Variants in RTKN2 observed in about 807,000 individuals in gnomAD.
The protein encoded by RTKN2 is rhotekin-2.
A neutral mutation model predicts 71.5 loss-of-function variants in RTKN2; 69 were observed. The ratio of observed to expected loss-of-function variants is 0.96; its 90% CI spans 0.79 to 1.18. The LOEUF (loss-of-function observed/expected upper bound fraction) is 1.18, where lower values mean the gene tolerates loss of function less well. RTKN2 is among the 50% of genes most tolerant of loss of function. The probability of loss-of-function intolerance (pLI) is 0.00; values close to 1 mark genes in which losing one functional copy is unlikely to be tolerated. For missense variants in RTKN2, 724 were observed against 719.7 expected (o/e 1.01, Z -0.07); for synonymous variants, 236 against 236.5 (o/e 1.00, Z 0.02).
rs1842365678 is a variant in RTKN2 at position 62,241,154 on chromosome 10, T to C, written c.358A>G (p.Ser120Gly). 2 of 1,551,316 alleles carry C rather than the reference T, an allele frequency of 1.3e-6. No homozygotes were observed. The highest frequency in any genetic ancestry group is 1.8e-6 in the Non-Finnish European group (2 of 1,129,344). The change falls in exon 4 of 12, where the codon AGC becomes GGC. Residue 120 changes from serine to glycine, a missense_variant. Ser to Gly is a moderately conservative substitution (Grantham distance 56). Coordinates refer to ENST00000373789, the MANE Select transcript of RTKN2 (RefSeq NM_145307.4). Reference protein sequence around the residue: ...PLMWKDSDHFSNKERSRRYAI... With the variant: ...PLMWKDSDHFGNKERSRRYAI... ...AAATCATACATACGTTCTTTATTGCTGAAGTGATCAGAGTCTTTCCACATT... is the reference window on the plus strand; with the variant it reads ...AAATCATACATACGTTCTTTATTGCCGAAGTGATCAGAGTCTTTCCACATT...
At chr10:62,206,803 G>C (rs1337443114) in intron 9 of RTKN2, among the ~76,000 whole-genome samples, 1 of 151,796 alleles carries the variant, frequency 6.6e-6, no homozygotes, top group Admixed American at 6.6e-5. Flanking sequence ...TTGTGAATTA[G>C]TTCTTTTAAG....
chr10:62,187,530 G>A (rs752251059), intron 8 of RTKN2, among the ~76,000 whole-genome samples: 1 of 152,174 alleles, frequency 6.6e-6, no homozygotes, highest in Non-Finnish European at 1.5e-5. Context: ...ACAGGTGGAT[G>A]CAATTTAATG....
At position 62,246,055 on chromosome 10, in the gene RTKN2, T is replaced by A; in HGVS notation, c.260A>T (p.Asp87Val). The A allele has an allele frequency of 6.3e-7, 1 of 1,588,554 alleles. No homozygotes were observed. The highest frequency in any genetic ancestry group is 8.6e-7 in the Non-Finnish European group (1 of 1,165,462). Reference protein sequence around the residue: ...EQIANQTGRCDVKFESKERTA... With the variant: ...EQIANQTGRCVVKFESKERTA... ...TCGTTCTTTACTTTCAAATTTCACA[T>A]CACTGTCAAAACAAAAAAACTTATG... Residue 87 changes from aspartate to valine, a missense_variant and splice_region_variant, in exon 3 of 12, where the codon GAT (aspartate) becomes GTT (valine). Coordinates refer to ENST00000373789, the MANE Select transcript of RTKN2 (RefSeq NM_145307.4).
Position 62,245,997 on chromosome 10 carries a change from A to G in RTKN2, c.316+2T>C. 1 of 1,564,990 alleles carries G rather than the reference A, an allele frequency of 6.4e-7. No homozygotes were observed. Among genetic ancestry groups the G allele is most frequent in the East Asian group, 2.3e-5 (1 of 44,250 alleles). On this transcript the variant is annotated splice_donor_variant, in intron 3 of 11. Coordinates refer to ENST00000373789, the MANE Select transcript of RTKN2 (RefSeq NM_145307.4). LOFTEE classifies it high-confidence loss of function. ...AATATAAAAGATTCATTTATAGCAT[A>G]CCTGATATGGCAATCTTTCCTTTAC...
At chr10:62,253,833 GA>G (rs1842625021) in intron 2 of RTKN2, among the ~76,000 whole-genome samples, 1 of 151,472 alleles carries the variant, frequency 6.6e-6, no homozygotes, top group Non-Finnish European at 1.5e-5. Flanking sequence ...TGATACAGTG[GA>G]AAAAAAATAA....
At chr10:62,232,535 C>A (rs1380335143) in intron 6 of RTKN2, among the ~76,000 whole-genome samples, 1 of 151,872 alleles carries the variant, frequency 6.6e-6, no homozygotes, top group African/African-American at 2.4e-5. Flanking sequence ...CTCCTGGGCT[C>A]AAGCAATTTG....
chr10:62,242,579 T>G (rs964685484), intron 3 of RTKN2, among the ~76,000 whole-genome samples: 2 of 152,004 alleles, frequency 1.3e-5, no homozygotes, highest in Non-Finnish European at 2.9e-5. Flanking sequence ...CAAATAGTGT[T>G]GCAGTAAATT....
In RTKN2 at chr10:62,204,937, A is replaced by G. The variant is rs991768854; in HGVS notation, c.1106T>C (p.Ile369Thr). Residue 369 changes from isoleucine to threonine, a missense_variant, in exon 10 of 12, where the codon ATA (isoleucine) becomes ACA (threonine). Transcript: ENST00000373789. ...ATTGTCAACTGCAAAAATCTGAGTT[A>G]TAGCTTGTCCAGGAACAGGATTGAT... ...SVINPVPGQA[I>T]TQIFAVDNRE... 1.9e-6 allele frequency: 3 copies of G among 1,605,548 alleles called. No individual in the cohort carries two copies. The highest frequency in any genetic ancestry group is 8.5e-7 in the Non-Finnish European group (1 of 1,177,098).
intron 6 of RTKN2, among the ~76,000 whole-genome samples, chr10:62,234,506 A>AAG (rs1279648740): frequency 8.9e-6 from 1 of 112,368 alleles, no homozygotes; most frequent in African/African-American, 3.3e-5. Flanking sequence ...AAAAAAAAAA[A>AAG]AGAAAAAGAA....
chr10:62,262,521 AAC>A, intron 2 of RTKN2, 102 bp downstream of exon 2: 1 of 767,108 alleles, frequency 1.3e-6, no homozygotes, highest in Non-Finnish European at 2.1e-6. Context: ...TGTTTTTTAA[AAC>A]AGTTTGGTGA....
At chr10:62,213,780 G>A (rs527539785) in intron 9 of RTKN2, among the ~76,000 whole-genome samples, 9 of 151,808 alleles carry the variant, frequency 5.9e-5, no homozygotes, top group Non-Finnish European at 1.2e-4. Context: ...AGTCTAGGTG[G>A]TATGTATATG....
At chr10:62,266,645 A>G (rs1842873652) in intron 1 of RTKN2, among the ~76,000 whole-genome samples, 6 of 152,232 alleles carry the variant, frequency 3.9e-5, no homozygotes. Context: ...AGATGCCAAA[A>G]GCTTAAACAT....
intron 1 of RTKN2, among the ~76,000 whole-genome samples, chr10:62,268,067 G>A (rs1842897848): frequency 6.6e-6 from 1 of 152,196 alleles, no homozygotes; most frequent in African/African-American, 2.4e-5. Context: ...AAAGTGCAGA[G>A]GTTGCTGTTT....
chr10:62,234,189 C>G (rs1291418163), intron 6 of RTKN2, among the ~76,000 whole-genome samples: 1 of 152,044 alleles, frequency 6.6e-6, no homozygotes, highest in Non-Finnish European at 1.5e-5. Context: ...AGATGAACAA[C>G]TTGGGCATCA....
At position 62,195,814 on chromosome 10, in the gene RTKN2, G is replaced by C. The variant is rs543596178; in HGVS notation, c.*2094C>G. On this transcript the variant is annotated 3_prime_UTR_variant, in exon 12 of 12. Coordinates refer to ENST00000373789, the MANE Select transcript of RTKN2 (RefSeq NM_145307.4). ...GAAAGAGACCGAATAATTTGGTGGG[G>C]AGGGGGTGGTGGTCCTTGCTCAGGC... 132 of 985,404 alleles carry C rather than the reference G, an allele frequency of 1.3e-4. No homozygotes were observed. Among genetic ancestry groups the C allele is most frequent in the Admixed American group, 8.6e-4 (14 of 16,244 alleles). The allele number at this position is 985,404 out of a possible 1,614,324, so 61.0% of individuals were successfully genotyped here.
intron 2 of RTKN2, among the ~76,000 whole-genome samples, chr10:62,249,383 G>GGGGGGTGGT (rs1842536944): frequency 1.3e-5 from 2 of 150,186 alleles, no homozygotes; most frequent in East Asian, 3.9e-4. Context: ...TTGCGGGGTT[G>GGGGGGTGGT]GGGGGTGGTG....
chr10:62,256,105 A>G (rs574962356), intron 2 of RTKN2, among the ~76,000 whole-genome samples: 1 of 152,090 alleles, frequency 6.6e-6, no homozygotes, highest in African/African-American at 2.4e-5. Flanking sequence ...TGCAATCTCA[A>G]GCTTCTGGAT....
chr10:62,227,150 C>A (rs558620067), intron 6 of RTKN2, among the ~76,000 whole-genome samples: 2 of 151,988 alleles, frequency 1.3e-5, no homozygotes, highest in African/African-American at 4.8e-5. Context: ...CAACAATCAA[C>A]GAAATAGGGG....
At chr10:62,187,293 A>G (rs1841152488) in intron 8 of RTKN2, among the ~76,000 whole-genome samples, 1 of 150,610 alleles carries the variant, frequency 6.6e-6, no homozygotes, top group East Asian at 1.9e-4. Context: ...AAAAAAAAAG[A>G]AAAAACATAG....
Sources: allele counts gnomAD v4.1 joint callset (sites outside exome capture counted in the v4.1 genomes callset), GRCh38; gene constraint gnomAD v4.1.1; transcripts MANE v1.5; gene names NCBI Gene and HGNC (gene_info 2026-07-23, HGNC 2026-07-21).